Variants in FXR1 observed in about 807,000 individuals in gnomAD.
FXR1 encodes FMR1 autosomal homolog 1.
FXR1 carries 15 observed loss-of-function variants against 84.0 expected under a neutral mutation model. The ratio of observed to expected loss-of-function variants is 0.18; its 90% CI spans 0.12 to 0.27. FXR1 has a LOEUF of 0.27. FXR1 is among the 10% of genes least tolerant of loss of function. FXR1 has a pLI of 1.00. For synonymous variants in FXR1, 245 were observed against 250.7 expected, an observed-to-expected ratio of 0.98 and a Z score of 0.21; for missense variants, 480 against 774.4, an observed-to-expected ratio of 0.62 and a Z score of 4.51.
At chr3:180,933,540 C>G (rs1720181363) in intron 2 of FXR1, among the ~76,000 whole-genome samples, 154 bp downstream of exon 2, 1 of 152,122 alleles carries the variant, frequency 6.6e-6, no homozygotes, top group African/African-American at 2.4e-5. Context: ...TTTGATAATT[C>G]TTTATCTGTT....
intron 1 of FXR1, among the ~76,000 whole-genome samples, chr3:180,918,369 C>T (rs1017562040): frequency 1.4e-5 from 2 of 146,610 alleles, no homozygotes; most frequent in Non-Finnish European, 3.1e-5. Flanking sequence ...AACTCCTGGT[C>T]TCAAGCAATA....
chr3:180,913,539 A>G (rs1312465872), intron 1 of FXR1, among the ~76,000 whole-genome samples: 1 of 151,960 alleles, frequency 6.6e-6, no homozygotes, highest in Non-Finnish European at 1.5e-5. Flanking sequence ...TTCTCCCACG[A>G]GGTTTTTTGT....
chr3:180,966,308 T>G (rs565941190), intron 13 of FXR1, among the ~76,000 whole-genome samples: 6 of 152,226 alleles, frequency 3.9e-5, no homozygotes, highest in Non-Finnish European at 7.3e-5. Flanking sequence ...ATTGTTTTTA[T>G]AATTGACTAG....
chr3:180,946,966 C>T (rs544539454), intron 3 of FXR1, among the ~76,000 whole-genome samples: 2 of 152,188 alleles, frequency 1.3e-5, no homozygotes, highest in South Asian at 2.1e-4. Flanking sequence ...AACTCTAATC[C>T]CAAGTGAAAG....
At chr3:180,970,114 C>A in intron 14 of FXR1, 44 bp from the exon 15 acceptor site, 1 of 980,336 alleles carries the variant, frequency 1.0e-6, no homozygotes, top group Non-Finnish European at 1.7e-6. Flanking sequence ...TTCATAATTG[C>A]AGTACTCTTA....
At chr3:180,933,111 C>T (rs557799280) in intron 1 of FXR1, 52 of 483,246 alleles carry the variant, frequency 1.1e-4, no homozygotes, top group Non-Finnish European at 1.2e-4. Flanking sequence ...TTTGCTAATT[C>T]CCAGGTAGAT....
chr3:180,937,281 C>T (rs140072270), intron 3 of FXR1, among the ~76,000 whole-genome samples: 1 of 152,114 alleles, frequency 6.6e-6, no homozygotes, highest in African/African-American at 2.4e-5. Flanking sequence ...ATGCTTCTTA[C>T]ACTTTTTTGT....
At chr3:180,962,835 CAAA>C (rs1712296878) in intron 11 of FXR1, 45 bp from the exon 12 acceptor site, 1 of 1,351,664 alleles carries the variant, frequency 7.4e-7, no homozygotes, top group Non-Finnish European at 1.0e-6. Context: ...TTTAGGAAAA[CAAA>C]AAGTTATATA....
intron 3 of FXR1, among the ~76,000 whole-genome samples, chr3:180,941,565 A>AG (rs1482615048): frequency 1.8e-4 from 28 of 152,170 alleles, no homozygotes; most frequent in Admixed American, 1.8e-3. Flanking sequence ...TCTTTTGGCC[A>AG]GTCTGAAGTT....
chr3:180,918,751 G>T (rs1718202223), intron 1 of FXR1, among the ~76,000 whole-genome samples: 1 of 152,076 alleles, frequency 6.6e-6, no homozygotes, highest in African/African-American at 2.4e-5. Flanking sequence ...AGTTTCTGTT[G>T]ATGGCAGTCC....
rs1384229814 is a variant in FXR1 at position 180,926,497 on chromosome 3, TATA to T, written c.52-6836_52-6834del. On this transcript the variant is annotated intron_variant, in intron 1 of 16. Transcript: ENST00000357559. ...TGTACTGTATATATATATATATATATATATATATATTTTTTTTTCTGGCCTTTT... is the reference window on the plus strand; with the variant it reads ...TGTACTGTATATATATATATATATATTATATATTTTTTTTTCTGGCCTTTT... Among the ~76,000 whole-genome samples, 1,017 of 122,142 alleles carry T rather than the reference TATA, an allele frequency of 8.3e-3. 11 individuals carry two copies. Among genetic ancestry groups the T allele is most frequent in the South Asian group, 0.013 (56 of 4,268 alleles). 80.1% of individuals were successfully genotyped at this position (122,142 alleles called of 152,430 possible).
At chr3:180,916,476 C>T (rs779077042) in intron 1 of FXR1, among the ~76,000 whole-genome samples, 4 of 152,190 alleles carry the variant, frequency 2.6e-5, no homozygotes, top group Non-Finnish European at 5.9e-5. Flanking sequence ...GGTGCGATCT[C>T]GGCTCACTGC....
intron 1 of FXR1, 146 bp downstream of exon 1, chr3:180,912,882 C>T (rs954768859): frequency 7.6e-6 from 11 of 1,442,566 alleles, no homozygotes; most frequent in Non-Finnish European, 6.7e-6. Flanking sequence ...CTTCTCCCCC[C>T]TCCACCCGCG....
intron 1 of FXR1, among the ~76,000 whole-genome samples, chr3:180,931,182 C>T (rs1027285213): frequency 2.0e-5 from 3 of 151,992 alleles, no homozygotes; most frequent in African/African-American, 7.2e-5. Flanking sequence ...TAATAAATAT[C>T]TCCAGAATTG....
At chr3:180,968,437 G>A (rs1202878725) in intron 14 of FXR1, 183 bp downstream of exon 14, 2 of 565,826 alleles carry the variant, frequency 3.5e-6, no homozygotes, top group Non-Finnish European at 6.3e-6. Context: ...CTCAGTGAAG[G>A]TTTACTTAGA....
At chr3:180,940,585 CTTT>C (rs58770842) in intron 3 of FXR1, among the ~76,000 whole-genome samples, 1 of 147,432 alleles carries the variant, frequency 6.8e-6, no homozygotes, top group African/African-American at 2.5e-5. Context: ...TTTCTGTTTT[CTTT>C]TTTTTTTGGA....
intron 1 of FXR1, among the ~76,000 whole-genome samples, chr3:180,926,489 TATA>T: frequency 9.8e-6 from 1 of 102,342 alleles, no homozygotes; most frequent in East Asian, 2.7e-4. Context: ...TATATATATA[TATA>T]TATATATATA....
intron 9 of FXR1, among the ~76,000 whole-genome samples, chr3:180,954,330 ATAAT>A (rs912446555): frequency 2.6e-5 from 4 of 152,218 alleles, no homozygotes; most frequent in African/African-American, 9.6e-5. Context: ...AAGGCATAGA[ATAAT>A]AAGAAGTTGT....
Position 180,937,768 on chromosome 3 carries a change from G to A in FXR1, c.198+2537G>A, listed in dbSNP as rs191912487. Among the ~76,000 whole-genome samples the A allele has an allele frequency of 1.6e-3, 238 of 152,100 alleles. 2 individuals carry two copies. The highest frequency in any genetic ancestry group is 5.6e-3 in the African/African-American group (231 of 41,494). On this transcript the variant is annotated intron_variant, in intron 3 of 16. Transcript: ENST00000357559. ...CGGAGTTAGTGCTTTCCCAGGTAAC[G>A]TTTCGAAAGCCTCTTCCCCTTCTTT...
Sources: allele counts gnomAD v4.1 joint callset (sites outside exome capture counted in the v4.1 genomes callset), GRCh38; gene constraint gnomAD v4.1.1; transcripts MANE v1.5; gene names NCBI Gene and HGNC (gene_info 2026-07-23, HGNC 2026-07-21).